UBR2: variants seen among roughly 807,000 people sequenced by gnomAD.
UBR2 encodes the protein ubiquitin protein ligase E3 component n-recognin 2.
A neutral mutation model predicts 247.9 loss-of-function variants in UBR2; 92 were observed. The observed-to-expected ratio is 0.37, with a 90% CI of 0.31 to 0.44. The LOEUF is 0.44. Among genes scored for constraint, UBR2 ranks in the 20% least tolerant of loss-of-function variants. The pLI, the probability that UBR2 is intolerant of heterozygous loss-of-function variation, is 1.00. For missense variants in UBR2, 1,613 were observed against 2,112.6 expected, an observed-to-expected ratio of 0.76 and a Z score of 4.64; for synonymous variants, 672 against 693.5, an observed-to-expected ratio of 0.97 and a Z score of 0.49.
At chr6:42,596,380 C>A (rs1792979347) in intron 4 of UBR2, among the ~76,000 whole-genome samples, 1 of 151,450 alleles carries the variant, frequency 6.6e-6, no homozygotes, top group African/African-American at 2.4e-5. Context: ...AAATTAGAAC[C>A]CTTGTATATT....
At chr6:42,644,068 A>C (rs954317214) in intron 18 of UBR2, 146 bp from the exon 19 acceptor site, 2 of 779,710 alleles carry the variant, frequency 2.6e-6, no homozygotes, top group Non-Finnish European at 4.0e-6. Context: ...ATGGGTTTTC[A>C]TCTTTTATTG....
At chr6:42,623,782 T>C (rs1478185750) in intron 11 of UBR2, among the ~76,000 whole-genome samples, 1 of 152,194 alleles carries the variant, frequency 6.6e-6, no homozygotes, top group Non-Finnish European at 1.5e-5. Flanking sequence ...TGAATATGTG[T>C]TTAATTTTCA....
intron 34 of UBR2, among the ~76,000 whole-genome samples, chr6:42,668,896 A>G (rs987581940): frequency 1.3e-5 from 2 of 151,010 alleles, no homozygotes; most frequent in Non-Finnish European, 3.0e-5. Flanking sequence ...CTATTACTAT[A>G]CTATTACTTC....
At chr6:42,648,704 T>G (rs4714616) in intron 22 of UBR2, among the ~76,000 whole-genome samples, 9,317 of 152,262 alleles carry the variant, frequency 0.061, 415 homozygotes, top group East Asian at 0.13. Context: ...AGTGTCTTTA[T>G]TTTTTGTTGG....
chr6:42,614,242 A>ACGTGCG (rs1385792365), intron 8 of UBR2, among the ~76,000 whole-genome samples: 2 of 23,918 alleles, frequency 8.4e-5, no homozygotes, highest in African/African-American at 2.0e-4. Flanking sequence ...ACACACACAC[A>ACGTGCG]CACGCGCGCA....
intron 22 of UBR2, among the ~76,000 whole-genome samples, chr6:42,649,649 T>C (rs1047111577): frequency 1.3e-5 from 2 of 152,172 alleles, no homozygotes; most frequent in African/African-American, 2.4e-5. Flanking sequence ...CTAAGTGAAG[T>C]TGAGCTTCTT....
chr6:42,652,751 T>TC, intron 25 of UBR2, 106 bp downstream of exon 25: 1 of 1,055,948 alleles, frequency 9.5e-7, no homozygotes, highest in Non-Finnish European at 1.4e-6. Context: ...ATGTATTGTG[T>TC]TTTCCTAACT....
At chr6:42,588,514 A>G (rs1273975221) in intron 2 of UBR2, among the ~76,000 whole-genome samples, 1 of 152,144 alleles carries the variant, frequency 6.6e-6, no homozygotes, top group African/African-American at 2.4e-5. Flanking sequence ...TGCAAAGGAA[A>G]AATAGCCAGG....
At position 42,678,659 on chromosome 6, in the gene UBR2, C is replaced by G; in HGVS notation, c.4599C>G (p.Pro1533=). ...FHYLNGVPSP[P]DIQVPGTSHF... ...ACTTAAATGGAGTTCCTTCCCCACC[C>G]GACATTCAAGGTAATTTATACTTTC... The change falls in exon 41 of 47, where the codon CCC becomes CCG. Residue 1533 remains proline (P), a synonymous_variant. Coordinates refer to ENST00000372901, the MANE Select transcript of UBR2 (RefSeq NM_001363705.2). 1 of 1,610,746 alleles carries G rather than the reference C, an allele frequency of 6.2e-7. No homozygotes were observed. Among genetic ancestry groups the G allele is most frequent in the Non-Finnish European group, 8.5e-7 (1 of 1,178,904 alleles).
At chr6:42,599,205 A>G (rs1793193225) in intron 4 of UBR2, among the ~76,000 whole-genome samples, 1 of 152,222 alleles carries the variant, frequency 6.6e-6, no homozygotes, top group Non-Finnish European at 1.5e-5. Context: ...GTTTGAATTC[A>G]GATCAGTAAT....
chr6:42,653,577 C>A (rs555839457), intron 25 of UBR2, among the ~76,000 whole-genome samples: 54 of 146,524 alleles, frequency 3.7e-4, no homozygotes, highest in African/African-American at 1.1e-3. Flanking sequence ...AATAGAATGC[C>A]TACTTTATGC....
At chr6:42,625,404 T>G (rs1795282361) in intron 11 of UBR2, among the ~76,000 whole-genome samples, 1 of 152,164 alleles carries the variant, frequency 6.6e-6, no homozygotes, top group East Asian at 1.9e-4. Flanking sequence ...TTTGTAATCC[T>G]TTTTTAAATT....
intron 4 of UBR2, among the ~76,000 whole-genome samples, chr6:42,598,874 A>G (rs1270430180): frequency 6.6e-6 from 1 of 152,110 alleles, no homozygotes; most frequent in Non-Finnish European, 1.5e-5. Context: ...TTATTTTCCT[A>G]TCTTTATTTT....
intron 41 of UBR2, among the ~76,000 whole-genome samples, chr6:42,679,274 T>C (rs1275831824): frequency 3.3e-5 from 5 of 152,238 alleles, no homozygotes; most frequent in Non-Finnish European, 7.3e-5. Context: ...TTTAGCTAGT[T>C]GCCTAGGAAC....
rs762372590 is a variant in UBR2, at chr6:42,628,272, C to CT, written c.1282-4277dup. Among the ~76,000 whole-genome samples the CT allele has an allele frequency of 3.3e-5, 5 of 151,370 alleles. No individual in the cohort carries two copies. The East Asian group carries it at 9.7e-4, about 29-fold the overall frequency. On this transcript the variant is annotated intron_variant, in intron 11 of 46. Transcript: ENST00000372901. ...TGACTGAAAGAATACTTTTATAGTT[C>CT]TTTAAAAAAAAAACAAAACTCTGTT...
At chr6:42,625,038 C>G (rs946418082) in intron 11 of UBR2, among the ~76,000 whole-genome samples, 1 of 151,990 alleles carries the variant, frequency 6.6e-6, no homozygotes, top group South Asian at 2.1e-4. Flanking sequence ...TGGCCTACAC[C>G]CCAGAATGAC....
chr6:42,616,708 C>T (rs1253295446), intron 10 of UBR2, among the ~76,000 whole-genome samples: 1 of 151,532 alleles, frequency 6.6e-6, no homozygotes, highest in African/African-American at 2.4e-5. Flanking sequence ...CTTTTAGCAG[C>T]ATGTGCATAA....
chr6:42,630,136 T>C (rs1027260906), intron 11 of UBR2, among the ~76,000 whole-genome samples: 12 of 149,386 alleles, frequency 8.0e-5, no homozygotes, highest in South Asian at 2.1e-4. Context: ...GCAGTAGCAG[T>C]AGTAGTAGTA....
chr6:42,576,192 G>A (rs1265994290), intron 2 of UBR2, among the ~76,000 whole-genome samples: 2 of 152,084 alleles, frequency 1.3e-5, no homozygotes, highest in Non-Finnish European at 2.9e-5. Context: ...GTTGCTGTTG[G>A]TGTTATAACT....
Sources: gnomAD v4.1 joint callset for allele counts (sites outside exome capture counted in the v4.1 genomes callset) on GRCh38, gnomAD v4.1.1 for gene constraint, MANE v1.5 for transcripts, NCBI Gene and HGNC (gene_info 2026-07-23, HGNC 2026-07-21) for gene names.